Variants in ACTR1A observed in about 807,000 individuals in gnomAD.
ACTR1A encodes the protein actin related protein 1A, also known as alpha-centractin.
Under a neutral mutation model 50.7 loss-of-function variants are expected in ACTR1A, and 10 were observed. The observed-to-expected ratio is 0.20, with a 90% CI of 0.12 to 0.33. ACTR1A has a LOEUF of 0.33. Among genes scored for constraint, ACTR1A ranks in the 10% least tolerant of loss-of-function variants. The pLI is 1.00. For missense variants in ACTR1A, 253 were observed against 491.7 expected, an observed-to-expected ratio of 0.51 and a Z score of 4.59; for synonymous variants, 177 against 184.2, an observed-to-expected ratio of 0.96 and a Z score of 0.32.
At chr10:102,481,038 G>A (rs1714592154) in intron 10 of ACTR1A, 73 bp from the exon 11 acceptor site, 1 of 1,581,896 alleles carries the variant, frequency 6.3e-7, no homozygotes, top group Non-Finnish European at 8.7e-7. Flanking sequence ...GTCCCCTGGG[G>A]CCAAACCAAA....
intron 1 of ACTR1A, among the ~76,000 whole-genome samples, chr10:102,491,488 T>C (rs906634074): frequency 9.9e-5 from 15 of 152,210 alleles, no homozygotes; most frequent in Non-Finnish European, 2.1e-4. Flanking sequence ...AGATTTTTGT[T>C]GTTGTTTTCT....
At chr10:102,485,478 CCCA>C in intron 5 of ACTR1A, 128 bp downstream of exon 5, 1 of 1,266,098 alleles carries the variant, frequency 7.9e-7, no homozygotes, top group Non-Finnish European at 1.1e-6. Context: ...CTCTCTCTTT[CCCA>C]CCATCTTTAA....
chr10:102,498,090 CAAA>C (rs10719520), intron 1 of ACTR1A, among the ~76,000 whole-genome samples: 122 of 130,544 alleles, frequency 9.3e-4, no homozygotes, highest in African/African-American at 3.2e-3. Context: ...GACCTTGTCT[CAAA>C]AAAAAAAAAA....
chr10:102,492,820 A>C (rs117098522), intron 1 of ACTR1A, among the ~76,000 whole-genome samples: 4,579 of 152,072 alleles, frequency 0.03, 120 homozygotes, highest in Non-Finnish European at 0.042. Context: ...CCTGGCCAAC[A>C]TGGCAAAACA....
chr10:102,485,514 C>T, intron 5 of ACTR1A, 95 bp downstream of exon 5: 2 of 1,535,048 alleles, frequency 1.3e-6, no homozygotes, highest in Non-Finnish European at 1.8e-6. Context: ...AGAGGGGGCT[C>T]AAGTTACTCT....
At chr10:102,481,381 G>GT (rs3215819) in intron 9 of ACTR1A, among the ~76,000 whole-genome samples, 1 of 142,444 alleles carries the variant, frequency 7.0e-6, no homozygotes, top group African/African-American at 3.1e-5. Flanking sequence ...GGGACTATTG[G>GT]GGGGGGCAGG....
At chr10:102,497,826 C>T (rs1442803283) in intron 1 of ACTR1A, among the ~76,000 whole-genome samples, 1 of 151,364 alleles carries the variant, frequency 6.6e-6, no homozygotes, top group Middle Eastern at 3.2e-3. Context: ...GGCACAGTGG[C>T]TCATGCCTGT....
chr10:102,481,665 C>T (rs1306666524), intron 9 of ACTR1A, among the ~76,000 whole-genome samples, 172 bp downstream of exon 9: 2 of 152,200 alleles, frequency 1.3e-5, no homozygotes, highest in Non-Finnish European at 2.9e-5. Flanking sequence ...AACTCAGCCT[C>T]CCTGTGGCTG....
At position 102,488,030 on chromosome 10, in the gene ACTR1A, G is replaced by T; in HGVS notation, c.315+120C>A. The T allele has an allele frequency of 8.3e-7, 1 of 1,209,712 alleles. No homozygotes were observed. Among genetic ancestry groups the T allele is most frequent in the Non-Finnish European group, 1.2e-6 (1 of 859,648 alleles). The allele number at this position is 1,209,712 out of a possible 1,614,324, so 74.9% of individuals were successfully genotyped here. A position where few individuals can be genotyped will look rare whatever the true frequency, so the allele number is the denominator to read the frequency against. On this transcript the variant is annotated intron_variant, in intron 4 of 10. Coordinates refer to ENST00000369905, the MANE Select transcript of ACTR1A (RefSeq NM_005736.4). The surrounding 1 kb of genome is among the most constrained non-coding windows in gnomAD (Gnocchi z 4.4). ...GTTAAGATTAAATCTGAATATGCCT[G>T]AAAATCAAATGGCTCCAGCACTCTT...
intron 1 of ACTR1A, among the ~76,000 whole-genome samples, chr10:102,501,824 T>C (rs1033748254): frequency 5.3e-5 from 8 of 152,256 alleles, no homozygotes; most frequent in Non-Finnish European, 5.9e-5. Context: ...CAGGCAAATA[T>C]TAAGTTTGGT....
chr10:102,486,133 G>C (rs2062167074), intron 4 of ACTR1A, among the ~76,000 whole-genome samples: 1 of 152,178 alleles, frequency 6.6e-6, no homozygotes, highest in South Asian at 2.1e-4. Flanking sequence ...AGGTAAGCGA[G>C]CATTATTGTC....
At chr10:102,496,776 A>T (rs1055246929) in intron 1 of ACTR1A, among the ~76,000 whole-genome samples, 15 of 152,294 alleles carry the variant, frequency 9.8e-5, no homozygotes, top group South Asian at 6.2e-4. Flanking sequence ...TAAAAGAAAA[A>T]TTTTTTTAGA....
At chr10:102,502,235 A>C (rs1448583991) in intron 1 of ACTR1A, among the ~76,000 whole-genome samples, 1 of 152,220 alleles carries the variant, frequency 6.6e-6, no homozygotes, top group Non-Finnish European at 1.5e-5. Context: ...GGCAAGGCTA[A>C]GAGGCGGTAT....
intron 4 of ACTR1A, among the ~76,000 whole-genome samples, chr10:102,486,771 C>T (rs184939403): frequency 3.7e-4 from 56 of 150,378 alleles, no homozygotes; most frequent in Non-Finnish European, 7.1e-4. Context: ...GTCTGCACCT[C>T]TCTGCATTTT....
chr10:102,479,911 T>C lies in ACTR1A; in HGVS notation c.*952A>G. 2.2e-5 allele frequency: 7 copies of C among 314,274 alleles called. No individual in the cohort carries two copies. Among genetic ancestry groups the C allele is most frequent in the South Asian group, 1.9e-4 (7 of 36,610 alleles). The allele number at this position is 314,274 out of a possible 1,614,324, so 19.5% of individuals were successfully genotyped here. On this transcript the variant is annotated 3_prime_UTR_variant, in exon 11 of 11. Coordinates refer to ENST00000369905, the MANE Select transcript of ACTR1A (RefSeq NM_005736.4). This position sits in a 1 kb window ranked among gnomAD's most constrained non-coding sequence, Gnocchi z 4.0. The stretch of plus-strand genomic sequence containing the variant: ...AGAAAGAGCCTGGTGGGAGTGTCTT[T>C]GAGTGTAGCTTCCAATCTCAAATGG...
At position 102,484,273 on chromosome 10, in the gene ACTR1A, G is replaced by A. The variant is rs1454200261; in HGVS notation, c.544C>T (p.Arg182Cys). The A allele has an allele frequency of 1.2e-6, 2 of 1,614,198 alleles. No homozygotes were observed. Among genetic ancestry groups the A allele is most frequent in the East Asian group, 2.2e-5 (1 of 44,894 alleles). ...ACGTCCCGGCCCGCGATGTCGATGC[G>A]CATGATGGAGTGGGGCATGGCAAAG... ...EGFAMPHSIM[R>C]IDIAGRDVSR... is the part of the protein sequence containing the mutation. Residue 182 changes from arginine to cysteine, a missense_variant, in exon 6 of 11, where the codon CGC (arginine) becomes TGC (cysteine). This residue lies in a region of ACTR1A where 116 missense variants were observed against 155.9 expected (regional missense o/e 0.74). Transcript: ENST00000369905.
intron 1 of ACTR1A, 37 bp downstream of exon 1, chr10:102,502,563 C>T (rs1180677242): frequency 6.2e-7 from 1 of 1,611,392 alleles, no homozygotes; most frequent in Non-Finnish European, 8.5e-7. Flanking sequence ...AGGAGGAGAG[C>T]CCAAGTCCCC....
intron 1 of ACTR1A, among the ~76,000 whole-genome samples, chr10:102,500,232 A>G (rs1301746793): frequency 6.6e-6 from 1 of 151,994 alleles, no homozygotes; most frequent in Non-Finnish European, 1.5e-5. Context: ...TCAGGAGTTC[A>G]GGACAAGTCT....
intron 1 of ACTR1A, among the ~76,000 whole-genome samples, chr10:102,494,381 C>T (rs1428904182): frequency 6.6e-6 from 1 of 152,196 alleles, no homozygotes. Flanking sequence ...GCCTGTACTC[C>T]TAGCTACTTG....
Sources: allele counts gnomAD v4.1 joint callset (sites outside exome capture counted in the v4.1 genomes callset), GRCh38; gene constraint gnomAD v4.1.1; regional missense constraint gnomAD v4.1.1; non-coding constraint Gnocchi (gnomAD v3.1); transcripts MANE v1.5; gene names NCBI Gene and HGNC (gene_info 2026-07-23, HGNC 2026-07-21).